The following SESTD1 variants were observed in gnomAD, a reference collection of about 807,000 sequenced individuals.
SESTD1 encodes the protein SEC14 domain and spectrin repeat-containing protein 1.
Under a neutral mutation model 101.7 loss-of-function variants are expected in SESTD1, and 43 were observed. That is an observed-to-expected ratio of 0.42 (90% CI 0.33 to 0.55). The LOEUF (loss-of-function observed/expected upper bound fraction) is 0.55. Ranked by LOEUF, SESTD1 falls within the 20% of genes least tolerant of loss-of-function variation. The probability of loss-of-function intolerance (pLI) is 0.07; values close to 1 mark genes in which losing one functional copy is unlikely to be tolerated. For synonymous variants in SESTD1, 283 were observed against 286.8 expected (o/e 0.99, Z 0.13); for missense variants, 647 against 815.1 (o/e 0.79, Z 2.51).
chr2:179,244,019 G>T (rs2047193866), intron 1 of SESTD1, among the ~76,000 whole-genome samples: 1 of 151,146 alleles, frequency 6.6e-6, no homozygotes, highest in African/African-American at 2.4e-5. Context: ...AGCTACTTGG[G>T]AGGCTCCAGC....
At chr2:179,181,365 A>T (rs2046105992) in intron 3 of SESTD1, among the ~76,000 whole-genome samples, 1 of 152,174 alleles carries the variant, frequency 6.6e-6, no homozygotes, top group African/African-American at 2.4e-5. Flanking sequence ...CAAGCCAACT[A>T]TGTCTTCTGG....
At chr2:179,229,774 T>TATATATATATATATATATATATATAC (rs1324308376) in intron 1 of SESTD1, among the ~76,000 whole-genome samples, 12 of 115,034 alleles carry the variant, frequency 1.0e-4, no homozygotes, top group African/African-American at 4.4e-4. Context: ...TATATATATA[T>TATATATATATATATATATATATATAC]ACTCAAATAC....
intron 1 of SESTD1, among the ~76,000 whole-genome samples, chr2:179,195,826 C>T (rs1487745380): frequency 7.0e-6 from 1 of 143,322 alleles, no homozygotes; most frequent in South Asian, 2.2e-4. Flanking sequence ...GGTAAAAAGG[C>T]ATTTTGGGAA....
At chr2:179,111,718 T>TC (rs1491271842) in intron 17 of SESTD1, among the ~76,000 whole-genome samples, 5 of 150,692 alleles carry the variant, frequency 3.3e-5, no homozygotes, top group Non-Finnish European at 5.9e-5. Context: ...TCCTCCTGAT[T>TC]CTTTTTTTTT....
intron 4 of SESTD1, among the ~76,000 whole-genome samples, chr2:179,176,219 TATTTTC>T (rs2046009702): frequency 6.6e-6 from 1 of 152,194 alleles, no homozygotes; most frequent in Non-Finnish European, 1.5e-5. Context: ...CATGACATAT[TATTTTC>T]ATTTACAAAC....
At chr2:179,144,349 T>C (rs1209037561) in intron 8 of SESTD1, among the ~76,000 whole-genome samples, 1 of 152,042 alleles carries the variant, frequency 6.6e-6, no homozygotes, top group Non-Finnish European at 1.5e-5. Context: ...AGAAAAGTTT[T>C]TATTACAAGT....
intron 9 of SESTD1, 48 bp from the exon 10 acceptor site, chr2:179,132,474 T>C (rs2105428449): frequency 6.5e-7 from 1 of 1,529,692 alleles, no homozygotes; most frequent in Non-Finnish European, 8.7e-7. Context: ...CAGAAACTTT[T>C]CAAACTTTCA....
At chr2:179,148,972 A>G (rs984742288) in intron 7 of SESTD1, among the ~76,000 whole-genome samples, 3 of 146,264 alleles carry the variant, frequency 2.1e-5, no homozygotes, top group African/African-American at 7.5e-5. Flanking sequence ...AGGCAGGAGA[A>G]TGGCGGGAAC....
chr2:179,166,485 A>C (rs2045837292), intron 5 of SESTD1, among the ~76,000 whole-genome samples: 1 of 152,196 alleles, frequency 6.6e-6, no homozygotes, highest in Admixed American at 6.5e-5. Context: ...CAGGGGAGGG[A>C]GTAGACCCAG....
At chr2:179,156,492 A>G (rs1041392970) in intron 5 of SESTD1, among the ~76,000 whole-genome samples, 2 of 152,028 alleles carry the variant, frequency 1.3e-5, no homozygotes, top group African/African-American at 4.8e-5. Context: ...TCACGCCAAC[A>G]TCTGTTTTTT....
rs745439389 is a variant in SESTD1 at position 179,146,468 on chromosome 2, C to T, written c.582-11G>A. The stretch of plus-strand genomic sequence containing the variant: ...TTTAAATCCACAGACCTGGAAAACA[C>T]CAAAGGAGTAATTTTCAAAAGGCAT... On this transcript the variant is annotated splice_polypyrimidine_tract_variant and intron_variant, in intron 7 of 17. Coordinates refer to ENST00000428443, the MANE Select transcript of SESTD1 (RefSeq NM_178123.5). 1.9e-6 allele frequency: 3 copies of T among 1,608,066 alleles called. No homozygotes were observed. Among genetic ancestry groups the T allele is most frequent in the African/African-American group, 2.7e-5 (2 of 74,508 alleles).
At chr2:179,113,865 C>CAA (rs778424702) in intron 16 of SESTD1, among the ~76,000 whole-genome samples, 11,469 of 90,264 alleles carry the variant, frequency 0.13, 1,489 homozygotes, top group African/African-American at 0.36. Context: ...GACTCTGTCT[C>CAA]AAAAAAAAAA....
chr2:179,146,868 T>A (rs576982437), intron 7 of SESTD1, among the ~76,000 whole-genome samples: 1 of 151,976 alleles, frequency 6.6e-6, no homozygotes, highest in Admixed American at 6.6e-5. Flanking sequence ...TACAGCAATC[T>A]TTGATAGCTG....
chr2:179,168,055 G>A (rs1367649722), intron 5 of SESTD1, among the ~76,000 whole-genome samples: 1 of 152,044 alleles, frequency 6.6e-6, no homozygotes, highest in East Asian at 1.9e-4. Flanking sequence ...CACCGCACCC[G>A]GTGAGAAAGC....
intron 2 of SESTD1, among the ~76,000 whole-genome samples, chr2:179,185,796 A>G (rs1314630055): frequency 3.1e-5 from 4 of 127,718 alleles, no homozygotes; most frequent in Admixed American, 9.0e-5. Context: ...TATACAATAT[A>G]TAATATAGCA....
chr2:179,207,775 T>G (rs1027439996), intron 1 of SESTD1, among the ~76,000 whole-genome samples: 1 of 134,244 alleles, frequency 7.4e-6, no homozygotes, highest in African/African-American at 3.0e-5. Context: ...AAAATGAGAA[T>G]GAACCAGAAA....
chr2:179,177,399 T>C (rs1273704291), intron 3 of SESTD1, among the ~76,000 whole-genome samples: 1 of 152,206 alleles, frequency 6.6e-6, no homozygotes, highest in East Asian at 1.9e-4. Context: ...GAGCAAGATT[T>C]TGGTAGTGAA....
At chr2:179,158,744 T>C (rs753387969) in intron 5 of SESTD1, among the ~76,000 whole-genome samples, 6 of 152,174 alleles carry the variant, frequency 3.9e-5, no homozygotes, top group South Asian at 2.1e-4. Flanking sequence ...TTTTATACAA[T>C]CCATATTCTT....
At position 179,123,679 on chromosome 2, in the gene SESTD1, AAAC is replaced by A. The variant is rs1290974216; in HGVS notation, c.1282+33_1282+35del. 3 of 1,478,186 alleles carry A rather than the reference AAAC, an allele frequency of 2.0e-6. No homozygotes were observed. In the Admixed American group the frequency reaches 5.9e-5, roughly 29 times the overall value. The allele number at this position is 1,478,186 out of a possible 1,614,324, so 91.6% of individuals were successfully genotyped here. ...ATGGTAATGATATTTAAAAAAAAAA[AAAC>A]CTTATGTTTCAGCATTTTTAAAATC... is the stretch of plus-strand genomic sequence containing the variant. On this transcript the variant is annotated intron_variant, in intron 12 of 17. Transcript: ENST00000428443.
Sources: gnomAD v4.1 joint callset for allele counts (sites outside exome capture counted in the v4.1 genomes callset) on GRCh38, gnomAD v4.1.1 for gene constraint, MANE v1.5 for transcripts, NCBI Gene and HGNC (gene_info 2026-07-23, HGNC 2026-07-21) for gene names.